Variants in SAMTOR observed in about 807,000 individuals in gnomAD.
SAMTOR encodes the protein S-adenosylmethionine sensor upstream of mTORC1.
At chr7:112,935,529 C>A in the SAMTOR span, among the ~76,000 whole-genome samples, 6 of 152,256 alleles carry the variant, frequency 3.9e-5, no homozygotes, top group South Asian at 2.1e-4. Context: ...GTTAAGATCA[C>A]CCCCTAATTC....
the SAMTOR span, among the ~76,000 whole-genome samples, chr7:112,834,993 A>G: frequency 6.6e-6 from 1 of 152,156 alleles, no homozygotes; most frequent in Non-Finnish European, 1.5e-5. Flanking sequence ...GCATTTTGTT[A>G]TAATTGTTCT....
At chr7:112,939,610 G>C in the SAMTOR span, 1 of 1,613,916 alleles carries the variant, frequency 6.2e-7, no homozygotes, top group Non-Finnish European at 8.5e-7. Context: ...ACTTCTTGCG[G>C]AGCCGCCGGT....
At chr7:112,883,586 T>C in the SAMTOR span, among the ~76,000 whole-genome samples, 2 of 152,174 alleles carry the variant, frequency 1.3e-5, no homozygotes, top group African/African-American at 2.4e-5. Flanking sequence ...TGAGGATGAG[T>C]TTCTTTTCTC....
the SAMTOR span, among the ~76,000 whole-genome samples, chr7:112,848,765 GCAGT>G: frequency 2.6e-5 from 4 of 152,294 alleles, no homozygotes; most frequent in South Asian, 8.3e-4. Context: ...GAAATGTTGT[GCAGT>G]CACTTATTTC....
At chr7:112,897,691 G>A in the SAMTOR span, among the ~76,000 whole-genome samples, 5 of 152,174 alleles carry the variant, frequency 3.3e-5, no homozygotes, top group South Asian at 6.2e-4. Context: ...ATCTGAAACC[G>A]AGTTGGCTTT....
chr7:112,870,085 T>C, the SAMTOR span, among the ~76,000 whole-genome samples: 1 of 152,158 alleles, frequency 6.6e-6, no homozygotes, highest in African/African-American at 2.4e-5. Flanking sequence ...CTTACTGGCA[T>C]TCCTGAGAGA....
At chr7:112,839,125 C>T in the SAMTOR span, among the ~76,000 whole-genome samples, 5 of 151,756 alleles carry the variant, frequency 3.3e-5, no homozygotes, top group African/African-American at 4.8e-5. Context: ...TCTTATTGTA[C>T]AAGAAAGTAA....
At chr7:112,832,508 T>C in the SAMTOR span, 1 of 1,036,576 alleles carries the variant, frequency 9.6e-7, no homozygotes, top group African/African-American at 1.6e-5. Context: ...AGTGCTTTTC[T>C]TTTGTAAATA....
chr7:112,921,944 C>CCCCTCTCCCTCT, the SAMTOR span, among the ~76,000 whole-genome samples: 10 of 149,278 alleles, frequency 6.7e-5, no homozygotes, highest in Admixed American at 1.3e-4. Flanking sequence ...AAAGCCCCTC[C>CCCCTCTCCCTCT]CCCTCTCCCT....
the SAMTOR span, among the ~76,000 whole-genome samples, chr7:112,844,626 G>A: frequency 4.6e-5 from 7 of 152,156 alleles, no homozygotes; most frequent in Non-Finnish European, 1.0e-4. Flanking sequence ...AACATTCCAT[G>A]TTCATGCATA....
chr7:112,831,616 C>T, the SAMTOR span, among the ~76,000 whole-genome samples: 1 of 152,128 alleles, frequency 6.6e-6, no homozygotes, highest in African/African-American at 2.4e-5. Context: ...CATGCCACTG[C>T]ACTCAAGCCT....
the SAMTOR span, chr7:112,939,804 G>A: frequency 2.1e-6 from 3 of 1,412,094 alleles, no homozygotes; most frequent in South Asian, 1.2e-5. Context: ...ACGCTCCCCA[G>A]ATGGAGGAGG....
the SAMTOR span, among the ~76,000 whole-genome samples, chr7:112,892,763 C>A: frequency 6.6e-6 from 1 of 150,992 alleles, no homozygotes; most frequent in Non-Finnish European, 1.5e-5. Flanking sequence ...CAGAATGAGA[C>A]CCATCTCCAA....
At chr7:112,939,726 T>TTCGGCCG in the SAMTOR span, 1 of 1,605,284 alleles carries the variant, frequency 6.2e-7, no homozygotes, top group Admixed American at 1.7e-5. Context: ...CGAGCAGTAT[T>TTCGGCCG]TCGGCCGCCG....
At chr7:112,895,957 T>TA in the SAMTOR span, among the ~76,000 whole-genome samples, 85 of 152,290 alleles carry the variant, frequency 5.6e-4, no homozygotes, top group South Asian at 2.1e-3. Context: ...GTTTAGTAAA[T>TA]AAAAAATATG....
the SAMTOR span, among the ~76,000 whole-genome samples, chr7:112,856,646 T>C: frequency 1.3e-5 from 2 of 152,220 alleles, no homozygotes; most frequent in Non-Finnish European, 2.9e-5. Context: ...TTAACAACTT[T>C]TGCAAATAAC....
the SAMTOR span, among the ~76,000 whole-genome samples, chr7:112,883,900 C>T: frequency 6.6e-6 from 1 of 152,162 alleles, no homozygotes; most frequent in Non-Finnish European, 1.5e-5. Context: ...TGTTCTCATG[C>T]TGCTGATAAA....
chr7:112,922,304 T>C, the SAMTOR span, among the ~76,000 whole-genome samples: 1 of 152,172 alleles, frequency 6.6e-6, no homozygotes, highest in Non-Finnish European at 1.5e-5. Context: ...CTCGGCTTGC[T>C]ACAACCTCCA....
At chr7:112,915,908 T>C in the SAMTOR span, among the ~76,000 whole-genome samples, 2 of 152,216 alleles carry the variant, frequency 1.3e-5, no homozygotes, top group Non-Finnish European at 2.9e-5. Flanking sequence ...GCTTCTTGAC[T>C]GTTATTTTCT....
Sources: allele counts gnomAD v4.1 joint callset (sites outside exome capture counted in the v4.1 genomes callset), GRCh38; gene constraint gnomAD v4.1.1; transcripts MANE v1.5; gene names NCBI Gene and HGNC (gene_info 2026-07-23, HGNC 2026-07-21).